The following TUNAR variants were observed in gnomAD, a reference collection of about 807,000 sequenced individuals.
The protein encoded by TUNAR is transmembrane neural differentiation associated intracellular calcium regulator.
intron 2 of TUNAR, among the ~76,000 whole-genome samples, chr14:95,916,439 G>A (rs138524017): frequency 5.6e-4 from 85 of 152,278 alleles, no homozygotes; most frequent in African/African-American, 1.3e-3. Flanking sequence ...TCATCCATGC[G>A]ATGGCACGTT....
intron 2 of TUNAR, among the ~76,000 whole-genome samples, chr14:95,909,926 A>G (rs2139667445): frequency 6.6e-6 from 1 of 152,296 alleles, no homozygotes; most frequent in South Asian, 2.1e-4. Context: ...TCAAGCCAGG[A>G]AGAGCATGTG....
chr14:95,881,931 C>G (rs114296174), intron 2 of TUNAR, among the ~76,000 whole-genome samples: 1 of 152,360 alleles, frequency 6.6e-6, no homozygotes, highest in African/African-American at 2.4e-5. Flanking sequence ...GCTTCTGTCT[C>G]TGACGCTGGC....
At chr14:95,894,594 G>T (rs971692585) in intron 2 of TUNAR, among the ~76,000 whole-genome samples, 2 of 152,146 alleles carry the variant, frequency 1.3e-5, no homozygotes, top group South Asian at 4.1e-4. Context: ...GTTCCCAATC[G>T]ATTGAGAAAG....
exon 3 of TUNAR, chr14:95,924,462 T>C (rs1311253790): frequency 1.3e-5 from 2 of 152,284 alleles, no homozygotes; most frequent in Non-Finnish European, 2.9e-5. Flanking sequence ...TAGTATTCCT[T>C]CTGCCATTGC....
At chr14:95,917,726 G>T (rs1326922309) in intron 2 of TUNAR, among the ~76,000 whole-genome samples, 1 of 152,044 alleles carries the variant, frequency 6.6e-6, no homozygotes, top group Non-Finnish European at 1.5e-5. Context: ...ATCTTTATTA[G>T]ATTTATTTCT....
intron 2 of TUNAR, among the ~76,000 whole-genome samples, chr14:95,881,734 C>A (rs151068509): frequency 1.3e-5 from 2 of 152,310 alleles, no homozygotes; most frequent in East Asian, 3.9e-4. Context: ...TGCTGTTCTT[C>A]GCTGTAAGTG....
chr14:95,901,535 T>C (rs1889353638), intron 2 of TUNAR, among the ~76,000 whole-genome samples: 1 of 152,232 alleles, frequency 6.6e-6, no homozygotes, highest in Non-Finnish European at 1.5e-5. Flanking sequence ...ATCTTGTGGA[T>C]TTGGGCTCAG....
chr14:95,910,914 C>T (rs1299629419), intron 2 of TUNAR, among the ~76,000 whole-genome samples: 4 of 152,238 alleles, frequency 2.6e-5, no homozygotes, highest in African/African-American at 7.2e-5. Context: ...CCTGTCTAGA[C>T]ATTTAGTCCT....
intron 2 of TUNAR, among the ~76,000 whole-genome samples, chr14:95,879,031 A>G (rs1424624624): frequency 6.6e-6 from 1 of 152,172 alleles, no homozygotes; most frequent in Non-Finnish European, 1.5e-5. Context: ...TGCTGAGTAT[A>G]TTAGCGATGC....
chr14:95,887,889 C>G (rs1379403055), intron 2 of TUNAR, among the ~76,000 whole-genome samples: 2 of 152,192 alleles, frequency 1.3e-5, no homozygotes, highest in Non-Finnish European at 2.9e-5. Context: ...ACCTCAGTTC[C>G]TTTTGTTTTC....
chr14:95,882,284 A>T (rs1360594689), intron 2 of TUNAR, among the ~76,000 whole-genome samples: 2 of 152,214 alleles, frequency 1.3e-5, no homozygotes, highest in Admixed American at 1.3e-4. Context: ...GTTACTAAAA[A>T]GTAGAAAATG....
chr14:95,920,792 C>A lies in TUNAR; in HGVS notation c.13-1989C>A, dbSNP rs115698273. Among the ~76,000 whole-genome samples, 866 of 152,284 alleles carry A rather than the reference C, an allele frequency of 5.7e-3. 12 individuals carry two copies. The highest frequency in any genetic ancestry group is 0.02 in the African/African-American group (813 of 41,546). On this transcript the variant is annotated intron_variant, in intron 2 of 2. Coordinates refer to ENST00000678517, the Ensembl canonical transcript of TUNAR. ...ACATTCCTGGATTCCCGTTTGTGAT[C>A]CTTCCTGGATATGTGCCCTAAGATA...
intron 2 of TUNAR, among the ~76,000 whole-genome samples, chr14:95,906,992 A>G (rs1889436092): frequency 6.6e-6 from 1 of 152,130 alleles, no homozygotes; most frequent in South Asian, 2.1e-4. Flanking sequence ...GCATGCATGC[A>G]TTTTTGTAGC....
At chr14:95,916,205 T>TAGAG (rs1366887167) in intron 2 of TUNAR, among the ~76,000 whole-genome samples, 8 of 152,182 alleles carry the variant, frequency 5.3e-5, no homozygotes, top group Admixed American at 2.6e-4. Context: ...ACCAGTGGCT[T>TAGAG]AGAGAGTCCT....
chr14:95,915,745 A>G (rs1889594478), intron 2 of TUNAR, among the ~76,000 whole-genome samples: 1 of 152,180 alleles, frequency 6.6e-6, no homozygotes, highest in African/African-American at 2.4e-5. Context: ...CTCGTGGTTT[A>G]TTTTCCAAGA....
chr14:95,924,452 T>G (rs1889751782), exon 3 of TUNAR: 1 of 152,246 alleles, frequency 6.6e-6, no homozygotes, highest in African/African-American at 2.4e-5. Context: ...AAGAGAGGGT[T>G]AGTATTCCTT....
exon 3 of TUNAR, chr14:95,924,006 A>G (rs1232461817): frequency 6.6e-6 from 1 of 152,192 alleles, no homozygotes; most frequent in Non-Finnish European, 1.5e-5. Context: ...TGAACAGAAT[A>G]TTCAGCTTCT....
rs764076518 is a variant in TUNAR at position 95,896,204 on chromosome 14, C to T, written c.12+19027C>T. ...CTGCTGCCTTTCCTACCGATCTCAA[C>T]GATTATGCAGTGAGCTGTGGAAGAA... On this transcript the variant is annotated intron_variant, in intron 2 of 2. Coordinates refer to ENST00000678517, the Ensembl canonical transcript of TUNAR. Among the ~76,000 whole-genome samples, 42 of 152,288 alleles carry T rather than the reference C, an allele frequency of 2.8e-4. 1 individual carries two copies. Among genetic ancestry groups the T allele is most frequent in the Admixed American group, 2.4e-3 (37 of 15,292 alleles).
chr14:95,917,636 G>A (rs573081351), intron 2 of TUNAR, among the ~76,000 whole-genome samples: 1 of 152,142 alleles, frequency 6.6e-6, no homozygotes, highest in South Asian at 2.1e-4. Context: ...CCGTGAAGAT[G>A]GTATGTCTTC....
Sources: allele counts gnomAD v4.1 joint callset (sites outside exome capture counted in the v4.1 genomes callset), GRCh38; gene constraint gnomAD v4.1.1; transcripts MANE v1.5; gene names NCBI Gene and HGNC (gene_info 2026-07-23, HGNC 2026-07-21).